SNTG2: variants seen among roughly 807,000 people sequenced by gnomAD.
SNTG2 encodes the protein syntrophin gamma 2.
Under a neutral mutation model 70.9 loss-of-function variants are expected in SNTG2, and 74 were observed. The ratio of observed to expected loss-of-function variants is 1.04; its 90% confidence interval spans 0.86 to 1.27. The LOEUF is 1.27. Among genes scored for constraint, SNTG2 ranks in the 50% most tolerant of loss-of-function variants. The pLI is 0.00. For missense variants in SNTG2, 717 were observed against 690.7 expected, an observed-to-expected ratio of 1.04 and a Z score of -0.43; for synonymous variants, 278 against 273.8, an observed-to-expected ratio of 1.02 and a Z score of -0.15.
chr2:973,194 G>A (rs1422350052), intron 1 of SNTG2, among the ~76,000 whole-genome samples: 3 of 152,148 alleles, frequency 2.0e-5, no homozygotes, highest in Non-Finnish European at 2.9e-5. Flanking sequence ...TGACATCACA[G>A]TTCTTCCTGG....
rs545471163 is a variant in SNTG2 at position 1,007,656 on chromosome 2, G to A, written c.72+56588G>A. ...TTCCTAAAAATCATCATAGAATGAT[G>A]TACTATATGGGAGAGCACTCAGTAA... On this transcript the variant is annotated intron_variant, in intron 1 of 16. Transcript: ENST00000308624. 1.1e-4 allele frequency among the ~76,000 whole-genome samples: 16 copies of A among 152,306 alleles called. No homozygotes were observed. The South Asian group carries it at 3.3e-3, about 32-fold the overall frequency.
intron 4 of SNTG2, among the ~76,000 whole-genome samples, chr2:1,137,338 C>T (rs1338662452): frequency 6.6e-6 from 1 of 151,936 alleles, no homozygotes; most frequent in Non-Finnish European, 1.5e-5. Flanking sequence ...CATGCACACA[C>T]ACATCCATGT....
intron 1 of SNTG2, among the ~76,000 whole-genome samples, chr2:1,052,565 A>T (rs1203444556): frequency 6.6e-6 from 1 of 151,760 alleles, no homozygotes; most frequent in Non-Finnish European, 1.5e-5. Flanking sequence ...TGTTTCATGT[A>T]TTTCTGCTCT....
intron 1 of SNTG2, among the ~76,000 whole-genome samples, chr2:1,033,075 C>T (rs1216663352): frequency 6.6e-6 from 1 of 152,146 alleles, no homozygotes; most frequent in Non-Finnish European, 1.5e-5. Context: ...ATTGCAAGAA[C>T]AGCACCAAGA....
chr2:1,255,880 ATATAAATATATAT>A (rs1678056827), intron 12 of SNTG2, among the ~76,000 whole-genome samples: 1 of 88,496 alleles, frequency 1.1e-5, no homozygotes, highest in Non-Finnish European at 2.0e-5. Flanking sequence ...ATAAATATAT[ATATAAATATATAT>A]AAATATATAT....
At chr2:1,083,293 G>A (rs1221697177) in intron 1 of SNTG2, among the ~76,000 whole-genome samples, 2 of 148,954 alleles carry the variant, frequency 1.3e-5, no homozygotes, top group East Asian at 3.9e-4. Context: ...TTAAAAACAT[G>A]CCTTATATAA....
At chr2:1,087,170 G>A (rs1294317425) in intron 2 of SNTG2, among the ~76,000 whole-genome samples, 3 of 152,198 alleles carry the variant, frequency 2.0e-5, no homozygotes, top group African/African-American at 7.2e-5. Flanking sequence ...ACAGATAGCA[G>A]GAGGGGTAAA....
intron 14 of SNTG2, among the ~76,000 whole-genome samples, chr2:1,290,609 CA>C (rs1167605468): frequency 6.6e-6 from 1 of 152,126 alleles, no homozygotes; most frequent in Non-Finnish European, 1.5e-5. Flanking sequence ...CCACTGCACC[CA>C]GCTGAGAAGT....
At chr2:1,034,056 G>GA (rs1660993795) in intron 1 of SNTG2, among the ~76,000 whole-genome samples, 1 of 152,020 alleles carries the variant, frequency 6.6e-6, no homozygotes, top group Non-Finnish European at 1.5e-5. Flanking sequence ...CATGTCACGG[G>GA]TTTGTTGTAC....
intron 1 of SNTG2, among the ~76,000 whole-genome samples, chr2:965,358 C>CT (rs375662589): frequency 0.064 from 2,403 of 37,274 alleles, 136 homozygotes; most frequent in African/African-American, 0.088. Flanking sequence ...AGTCCTCCTC[C>CT]TGGTCCCCAA....
intron 8 of SNTG2, among the ~76,000 whole-genome samples, chr2:1,178,992 G>T (rs1179140417): frequency 6.6e-6 from 1 of 152,002 alleles, no homozygotes; most frequent in Non-Finnish European, 1.5e-5. Context: ...CCTGTTATTG[G>T]TCTATTCAGA....
At chr2:1,081,117 C>T (rs1664260944) in intron 1 of SNTG2, among the ~76,000 whole-genome samples, 2 of 152,308 alleles carry the variant, frequency 1.3e-5, no homozygotes, top group African/African-American at 2.4e-5. Context: ...CCACGGCGTC[C>T]TGAGGAAGCC....
At chr2:1,297,396 T>A (rs1680263066) in intron 14 of SNTG2, among the ~76,000 whole-genome samples, 1 of 152,266 alleles carries the variant, frequency 6.6e-6, no homozygotes, top group Non-Finnish European at 1.5e-5. Flanking sequence ...AAATGTGTGC[T>A]GCTGCCTTGT....
At chr2:1,100,937 C>T (rs562684806) in intron 4 of SNTG2, among the ~76,000 whole-genome samples, 129 of 143,502 alleles carry the variant, frequency 9.0e-4, no homozygotes, top group African/African-American at 3.1e-3. Context: ...GTGAACGTGA[C>T]CCTGGGGTTG....
Position 1,316,835 on chromosome 2 carries a change from C to G in SNTG2, c.1488+460C>G, listed in dbSNP as rs183530247. ...GGATTCTGGAGCATTTAGCATGAGG[C>G]CAGCATTGGAGAAGGCTGGGATTCT... is the stretch of plus-strand genomic sequence containing the variant. On this transcript the variant is annotated intron_variant, in intron 16 of 16. Coordinates refer to ENST00000308624, the MANE Select transcript of SNTG2 (RefSeq NM_018968.4). Among the ~76,000 whole-genome samples, 270 of 92,892 alleles carry G rather than the reference C, an allele frequency of 2.9e-3. 67 individuals carry two copies. The highest frequency in any genetic ancestry group is 0.013 in the South Asian group (31 of 2,464). 60.9% of individuals were successfully genotyped at this position (92,892 alleles called of 152,430 possible).
At chr2:1,277,756 AG>A (rs1558624930) in intron 14 of SNTG2, among the ~76,000 whole-genome samples, 1 of 152,156 alleles carries the variant, frequency 6.6e-6, no homozygotes, top group Non-Finnish European at 1.5e-5. Flanking sequence ...GTGACATGCA[AG>A]CTGGGCACCT....
intron 7 of SNTG2, among the ~76,000 whole-genome samples, chr2:1,172,718 T>C (rs142193838): frequency 1.3e-5 from 2 of 152,330 alleles, no homozygotes; most frequent in African/African-American, 4.8e-5. Context: ...TGGCCTGGTA[T>C]GATCATCTCC....
chr2:1,148,231 G>A (rs1354552059), intron 6 of SNTG2, among the ~76,000 whole-genome samples: 3 of 152,192 alleles, frequency 2.0e-5, no homozygotes, highest in East Asian at 1.9e-4. Context: ...TGTGAAATAC[G>A]GAATGGCCTT....
At chr2:1,309,943 A>G (rs530544633) in intron 15 of SNTG2, among the ~76,000 whole-genome samples, 39 of 152,152 alleles carry the variant, frequency 2.6e-4, no homozygotes, top group Non-Finnish European at 4.4e-4. Flanking sequence ...ACTTGCTCTT[A>G]ATATTATTTG....
Sources: allele counts gnomAD v4.1 joint callset (sites outside exome capture counted in the v4.1 genomes callset), GRCh38; gene constraint gnomAD v4.1.1; transcripts MANE v1.5; gene names NCBI Gene and HGNC (gene_info 2026-07-23, HGNC 2026-07-21).